CCDC178: variants seen among roughly 807,000 people sequenced by gnomAD.
CCDC178 encodes the protein coiled-coil domain containing 178.
A neutral mutation model predicts 117.4 loss-of-function variants in CCDC178; 126 were observed. The observed-to-expected ratio is 1.07, with a 90% CI of 0.93 to 1.24. The LOEUF (loss-of-function observed/expected upper bound fraction) is 1.24, where lower values mean the gene tolerates loss of function less well. Among genes scored for constraint, CCDC178 ranks in the 50% most tolerant of loss-of-function variants. The pLI, the probability that CCDC178 is intolerant of heterozygous loss-of-function variation, is 0.00. For synonymous variants in CCDC178, 283 were observed against 313.4 expected, an observed-to-expected ratio of 0.90 and a Z score of 1.02; for missense variants, 1,030 against 986.9, an observed-to-expected ratio of 1.04 and a Z score of -0.59.
At chr18:33,138,053 C>T (rs371359213) in intron 20 of CCDC178, among the ~76,000 whole-genome samples, 1 of 152,088 alleles carries the variant, frequency 6.6e-6, no homozygotes, top group East Asian at 1.9e-4. Flanking sequence ...TAATGCCTAA[C>T]CTAGTCTCAC....
chr18:33,005,194 C>T lies in CCDC178; in HGVS notation c.2389-30513G>A, dbSNP rs762462034. On this transcript the variant is annotated intron_variant, in intron 21 of 22. Coordinates refer to ENST00000383096, the MANE Select transcript of CCDC178 (RefSeq NM_001105528.4). ...GTTTACTGCAGCACTATCACAATCA[C>T]CATGATTTGTAAACAACCTAAATGC... Among the ~76,000 whole-genome samples, 123 of 152,172 alleles carry T rather than the reference C, an allele frequency of 8.1e-4. 1 individual carries two copies. In the Middle Eastern group the frequency reaches 0.02, roughly 25 times the overall value.
At chr18:33,061,336 TATAA>T (rs1480458338) in intron 21 of CCDC178, among the ~76,000 whole-genome samples, 1 of 152,042 alleles carries the variant, frequency 6.6e-6, no homozygotes, top group Admixed American at 6.5e-5. Flanking sequence ...CCCATTGAAG[TATAA>T]ATAAAGAAAA....
At chr18:33,019,804 AT>A (rs1345599469) in intron 21 of CCDC178, among the ~76,000 whole-genome samples, 1 of 151,966 alleles carries the variant, frequency 6.6e-6, no homozygotes, top group East Asian at 1.9e-4. Flanking sequence ...TTGTAATAAA[AT>A]AACTTTGGGG....
At chr18:33,258,531 T>G (rs2059706554) in intron 14 of CCDC178, among the ~76,000 whole-genome samples, 1 of 152,182 alleles carries the variant, frequency 6.6e-6, no homozygotes, top group Non-Finnish European at 1.5e-5. Context: ...TATTCAGTTT[T>G]ATTGTCCCCA....
intron 11 of CCDC178, 137 bp from the exon 12 acceptor site, chr18:33,293,449 C>A: frequency 2.2e-6 from 1 of 445,588 alleles, no homozygotes. Flanking sequence ...GGCTTGAGTC[C>A]AGGAGTTCAA....
intron 20 of CCDC178, among the ~76,000 whole-genome samples, chr18:33,123,495 T>C (rs920082198): frequency 6.6e-6 from 1 of 152,072 alleles, no homozygotes; most frequent in Non-Finnish European, 1.5e-5. Flanking sequence ...AACCACATCA[T>C]TTAAATGATT....
chr18:33,043,494 A>G (rs1196829679), intron 21 of CCDC178, among the ~76,000 whole-genome samples: 3 of 152,096 alleles, frequency 2.0e-5, no homozygotes, highest in Non-Finnish European at 2.9e-5. Flanking sequence ...AGGCACTTAC[A>G]TCACTCTGTA....
At chr18:33,255,029 T>A (rs1212731863) in intron 14 of CCDC178, among the ~76,000 whole-genome samples, 1 of 151,922 alleles carries the variant, frequency 6.6e-6, no homozygotes, top group East Asian at 1.9e-4. Context: ...CTTGCTTTGG[T>A]GAGATTGGAT....
At chr18:33,389,667 T>C in intron 4 of CCDC178, 38 bp from the exon 5 acceptor site, 1 of 1,084,530 alleles carries the variant, frequency 9.2e-7, no homozygotes, top group South Asian at 2.0e-5. Flanking sequence ...AGTGAGTAGT[T>C]AATATTATAG....
At chr18:33,228,134 C>G (rs1398684521) in intron 15 of CCDC178, among the ~76,000 whole-genome samples, 2 of 152,112 alleles carry the variant, frequency 1.3e-5, no homozygotes, top group African/African-American at 4.8e-5. Context: ...AGAGAAAAGA[C>G]TTGGTGAATG....
intron 8 of CCDC178, 137 bp from the exon 9 acceptor site, chr18:33,346,548 A>T (rs1285129124): frequency 7.4e-6 from 3 of 407,932 alleles, no homozygotes; most frequent in East Asian, 3.9e-5. Context: ...ATTACCTTTT[A>T]AAAAAGTTTT....
chr18:33,143,700 A>C (rs2058236264), intron 20 of CCDC178, among the ~76,000 whole-genome samples: 1 of 152,144 alleles, frequency 6.6e-6, no homozygotes, highest in South Asian at 2.1e-4. Context: ...ATTTCAGCAA[A>C]GTAGCAGGCT....
chr18:33,267,110 C>G, intron 13 of CCDC178, 58 bp from the exon 14 acceptor site: 1 of 1,530,070 alleles, frequency 6.5e-7, no homozygotes, highest in Non-Finnish European at 8.8e-7. Context: ...AAGGCAAAAC[C>G]TATAATAATG....
At chr18:33,313,922 C>A (rs1312603328) in intron 11 of CCDC178, among the ~76,000 whole-genome samples, 1 of 152,022 alleles carries the variant, frequency 6.6e-6, no homozygotes, top group East Asian at 1.9e-4. Flanking sequence ...AATTGTGGGC[C>A]GGGCGCGGTG....
intron 11 of CCDC178, among the ~76,000 whole-genome samples, chr18:33,323,000 C>A (rs2062533779): frequency 1.3e-5 from 2 of 150,806 alleles, no homozygotes; most frequent in South Asian, 2.1e-4. Context: ...ACATCAGGAA[C>A]AAATGTAGAA....
At chr18:33,158,368 ATTG>A (rs1231322239) in intron 20 of CCDC178, among the ~76,000 whole-genome samples, 5 of 152,262 alleles carry the variant, frequency 3.3e-5, no homozygotes, top group South Asian at 2.1e-4. Flanking sequence ...TACAAAAATC[ATTG>A]TTAATTGTAA....
Position 33,209,540 on chromosome 18 carries a change from T to C in CCDC178, c.2238+2356A>G, listed in dbSNP as rs191678125. 1.6e-3 allele frequency among the ~76,000 whole-genome samples: 242 copies of C among 152,148 alleles called. 1 individual carries two copies. Among genetic ancestry groups the C allele is most frequent in the Admixed American group, 3.8e-3 (58 of 15,250 alleles). On this transcript the variant is annotated intron_variant, in intron 20 of 22. Coordinates refer to ENST00000383096, the MANE Select transcript of CCDC178 (RefSeq NM_001105528.4). The stretch of plus-strand genomic sequence containing the variant: ...AGACTCTTTTCTTTGCAGGGATCCT[T>C]TACATTACATACACATTTACACCTT...
chr18:33,372,489 A>G (rs1051523842), intron 5 of CCDC178, among the ~76,000 whole-genome samples: 1 of 152,144 alleles, frequency 6.6e-6, no homozygotes, highest in Admixed American at 6.6e-5. Flanking sequence ...AATTCCAAAC[A>G]TAAATCGAGG....
At chr18:32,971,455 G>A (rs2054923988) in intron 22 of CCDC178, among the ~76,000 whole-genome samples, 1 of 152,110 alleles carries the variant, frequency 6.6e-6, no homozygotes, top group South Asian at 2.1e-4. Context: ...CCAAGTCTTT[G>A]CTATTGTAAA....
Sources: allele counts gnomAD v4.1 joint callset (sites outside exome capture counted in the v4.1 genomes callset), GRCh38; gene constraint gnomAD v4.1.1; transcripts MANE v1.5; gene names NCBI Gene and HGNC (gene_info 2026-07-23, HGNC 2026-07-21).